SPIDR: variants seen among roughly 807,000 people sequenced by gnomAD.
SPIDR encodes the protein scaffold protein involved in DNA repair.
SPIDR carries 93 observed loss-of-function variants against 104.6 expected under a neutral mutation model. The ratio of observed to expected loss-of-function variants is 0.89; its 90% CI spans 0.75 to 1.06. SPIDR has a LOEUF of 1.06. Ranked by LOEUF, SPIDR falls within the 50% of genes least tolerant of loss-of-function variation. SPIDR has a pLI of 0.00. For synonymous variants in SPIDR, 431 were observed against 416.9 expected (o/e 1.03, Z -0.41); for missense variants, 1,154 against 1,111.2 (o/e 1.04, Z -0.55).
At chr8:47,649,086 A>G (rs973941542) in intron 10 of SPIDR, among the ~76,000 whole-genome samples, 2 of 152,128 alleles carry the variant, frequency 1.3e-5, no homozygotes, top group Admixed American at 1.3e-4. Flanking sequence ...TAATACACAG[A>G]ATGTAATTAG....
intron 11 of SPIDR, among the ~76,000 whole-genome samples, chr8:47,695,781 A>G (rs1380388420): frequency 6.6e-6 from 1 of 152,248 alleles, no homozygotes; most frequent in Non-Finnish European, 1.5e-5. Context: ...ACCAATCAAG[A>G]TAAATAACAC....
At chr8:47,501,629 C>T (rs577725808) in intron 8 of SPIDR, among the ~76,000 whole-genome samples, 1 of 152,238 alleles carries the variant, frequency 6.6e-6, no homozygotes, top group East Asian at 1.9e-4. Flanking sequence ...ATTGAATACC[C>T]TTTATTTCTT....
intron 14 of SPIDR, among the ~76,000 whole-genome samples, chr8:47,710,651 A>G (rs1303138797): frequency 1.3e-5 from 2 of 152,018 alleles, no homozygotes; most frequent in African/African-American, 4.8e-5. Flanking sequence ...TGCTTTTAGT[A>G]GAGATGGGGT....
At chr8:47,381,794 G>A (rs1429572986) in intron 5 of SPIDR, among the ~76,000 whole-genome samples, 4 of 152,322 alleles carry the variant, frequency 2.6e-5, no homozygotes, top group Non-Finnish European at 5.9e-5. Context: ...CCCGTGGCAC[G>A]CCTTTGCATG....
At chr8:47,376,508 A>G (rs1260465541) in intron 5 of SPIDR, among the ~76,000 whole-genome samples, 1 of 152,198 alleles carries the variant, frequency 6.6e-6, no homozygotes, top group East Asian at 1.9e-4. Context: ...TCGTGTTTTA[A>G]GTTGCTAAGT....
Position 47,549,703 on chromosome 8 carries a change from T to C in SPIDR, c.1098-46108T>C, listed in dbSNP as rs572125505. 5.9e-5 allele frequency among the ~76,000 whole-genome samples: 9 copies of C among 152,312 alleles called. No homozygotes were observed. The South Asian group carries it at 8.3e-4, about 14-fold the overall frequency. On this transcript the variant is annotated intron_variant, in intron 8 of 19. Coordinates refer to ENST00000297423, the MANE Select transcript of SPIDR (RefSeq NM_001080394.4). Reference sequence around the variant, plus strand: ...TGAGTAGATTGCAAAAATGTTCTCCTATTCTGTAGGTTGCCTGTTCACTCT... The same window carrying C: ...TGAGTAGATTGCAAAAATGTTCTCCCATTCTGTAGGTTGCCTGTTCACTCT...
At chr8:47,523,804 A>T (rs1469222412) in intron 8 of SPIDR, among the ~76,000 whole-genome samples, 1 of 152,188 alleles carries the variant, frequency 6.6e-6, no homozygotes, top group Non-Finnish European at 1.5e-5. Context: ...AGGAAAACAG[A>T]AGTGTGGTAT....
chr8:47,660,522 T>A (rs915247139), intron 10 of SPIDR: 1 of 985,284 alleles, frequency 1.0e-6, no homozygotes, highest in Non-Finnish European at 1.2e-6. Flanking sequence ...CAGGTGATTC[T>A]GCTGCTACCC....
intron 8 of SPIDR, among the ~76,000 whole-genome samples, chr8:47,575,507 C>T (rs1210550718): frequency 3.3e-5 from 5 of 150,710 alleles, no homozygotes; most frequent in South Asian, 2.1e-4. Context: ...ATTAGCCGGG[C>T]GTGGTAGTGG....
intron 6 of SPIDR, among the ~76,000 whole-genome samples, chr8:47,400,064 C>T (rs577555981): frequency 6.6e-6 from 1 of 152,234 alleles, no homozygotes; most frequent in South Asian, 2.1e-4. Context: ...CTAAGGGTGG[C>T]AGGTCAGTGC....
At chr8:47,730,859 A>G (rs1196160497) in intron 19 of SPIDR, among the ~76,000 whole-genome samples, 2 of 152,132 alleles carry the variant, frequency 1.3e-5, no homozygotes, top group Non-Finnish European at 2.9e-5. Flanking sequence ...CATCTAAACC[A>G]TGTCTGTCAG....
intron 1 of SPIDR, among the ~76,000 whole-genome samples, chr8:47,264,567 T>C (rs1449057626): frequency 1.3e-5 from 2 of 152,024 alleles, no homozygotes; most frequent in Non-Finnish European, 2.9e-5. Context: ...TCCCTTTCCT[T>C]ATGAAGTAGC....
intron 8 of SPIDR, among the ~76,000 whole-genome samples, chr8:47,544,584 C>A (rs1399128689): frequency 6.6e-6 from 1 of 152,144 alleles, no homozygotes; most frequent in Non-Finnish European, 1.5e-5. Flanking sequence ...TGTCCAATTT[C>A]TCCACCATTT....
In SPIDR at chr8:47,641,945, T is replaced by C. The variant is rs551896707; in HGVS notation, c.1545-31856T>C. ...TAGGCTTCACCTACTTACATCCTAA[T>C]GGGGACTCACAGTGGCAGCAGAGCT... On this transcript the variant is annotated intron_variant, in intron 10 of 19. Coordinates refer to ENST00000297423, the MANE Select transcript of SPIDR (RefSeq NM_001080394.4). 2.3e-3 allele frequency among the ~76,000 whole-genome samples: 357 copies of C among 152,304 alleles called. 1 individual carries two copies. The highest frequency in any genetic ancestry group is 8.3e-3 in the African/African-American group (347 of 41,570).
At chr8:47,429,240 G>C (rs1037973800) in intron 7 of SPIDR, among the ~76,000 whole-genome samples, 46 of 152,284 alleles carry the variant, frequency 3.0e-4, no homozygotes, top group African/African-American at 1.1e-3. Context: ...GTGGGACCTA[G>C]AAATAGAGGA....
chr8:47,546,861 G>A (rs752940969), intron 8 of SPIDR: 64 of 391,230 alleles, frequency 1.6e-4, no homozygotes, highest in Admixed American at 4.5e-4. Context: ...ATGGTGAGGC[G>A]TATACGTTTC....
chr8:47,309,045 G>A (rs2043636501), intron 5 of SPIDR, among the ~76,000 whole-genome samples: 1 of 152,228 alleles, frequency 6.6e-6, no homozygotes, highest in African/African-American at 2.4e-5. Context: ...CATGCGTGGT[G>A]CTTCCTACTC....
chr8:47,621,725 C>T (rs1257530382), intron 10 of SPIDR, among the ~76,000 whole-genome samples: 3 of 152,122 alleles, frequency 2.0e-5, no homozygotes, highest in Non-Finnish European at 4.4e-5. Context: ...TTTAAAAGTT[C>T]AAGTATGGGA....
rs185126101 is a variant in SPIDR, at chr8:47,701,712, T to C, written c.1774-9T>C. The C allele has an allele frequency of 7.4e-6, 12 of 1,613,656 alleles. No homozygotes were observed. The East Asian group carries it at 2.0e-4, about 27-fold the overall frequency. The stretch of plus-strand genomic sequence containing the variant: ...ACATTCACCTTCTACCTTTGTCTCA[T>C]TTAAACAGATAAAAACTCATCTGCC... On this transcript the variant is annotated splice_polypyrimidine_tract_variant and intron_variant, in intron 12 of 19. Coordinates refer to ENST00000297423, the MANE Select transcript of SPIDR (RefSeq NM_001080394.4).
Sources: gnomAD v4.1 joint callset for allele counts (sites outside exome capture counted in the v4.1 genomes callset) on GRCh38, gnomAD v4.1.1 for gene constraint, MANE v1.5 for transcripts, NCBI Gene and HGNC (gene_info 2026-07-23, HGNC 2026-07-21) for gene names.